The following ADK variants were observed in gnomAD, a reference collection of about 807,000 sequenced individuals.
ADK encodes adenosine kinase, also known as N6,N6-dimethyladenosine kinase.
ADK carries 24 observed loss-of-function variants against 44.7 expected under a neutral mutation model. The observed-to-expected ratio is 0.54, with a 90% CI of 0.39 to 0.76. The LOEUF is 0.76. Ranked by LOEUF, ADK falls within the 30% of genes least tolerant of loss-of-function variation. The pLI, the probability that ADK is intolerant of heterozygous loss-of-function variation, is 0.00. For synonymous variants in ADK, 128 were observed against 142.6 expected (o/e 0.90, Z 0.73); for missense variants, 321 against 425.1 (o/e 0.76, Z 2.15).
At position 74,592,718 on chromosome 10, in the gene ADK, A is replaced by G. The variant is rs899137725; in HGVS notation, c.762+3401A>G. ...TAGACTTGTAGTCTTTCTCTGACCAATGAGGATTCTTTCATCTTACACCAC... is the reference window on the plus strand; with the variant it reads ...TAGACTTGTAGTCTTTCTCTGACCAGTGAGGATTCTTTCATCTTACACCAC... On this transcript the variant is annotated intron_variant, in intron 8 of 10. Coordinates refer to ENST00000539909, the MANE Select transcript of ADK (RefSeq NM_006721.4). Among the ~76,000 whole-genome samples, 11 of 152,258 alleles carry G rather than the reference A, an allele frequency of 7.2e-5. No homozygotes were observed. In the South Asian group the frequency reaches 1.0e-3, roughly 14 times the overall value.
chr10:74,459,887 G>A (rs1042374001), intron 6 of ADK, among the ~76,000 whole-genome samples: 35 of 151,782 alleles, frequency 2.3e-4, no homozygotes, highest in Non-Finnish European at 4.4e-5. Flanking sequence ...GTCTCCCAAT[G>A]AGTTAAAAAA....
At chr10:74,600,597 C>A in intron 9 of ADK, 104 bp downstream of exon 9, 1 of 346,114 alleles carries the variant, frequency 2.9e-6, no homozygotes, top group Non-Finnish European at 5.2e-6. Flanking sequence ...TATACATATA[C>A]AATATATATA....
At chr10:74,426,273 AT>A (rs747456962) in intron 6 of ADK, among the ~76,000 whole-genome samples, 1 of 152,202 alleles carries the variant, frequency 6.6e-6, no homozygotes, top group Non-Finnish European at 1.5e-5. Context: ...TAATTCAGAA[AT>A]TTAGTCTGTA....
chr10:74,185,706 G>T (rs1842728829), intron 1 of ADK, among the ~76,000 whole-genome samples: 1 of 150,962 alleles, frequency 6.6e-6, no homozygotes, highest in African/African-American at 2.4e-5. Flanking sequence ...CGTGGTAGCG[G>T]GCGCCTGTAG....
chr10:74,369,108 T>C (rs1260998887), intron 4 of ADK, among the ~76,000 whole-genome samples: 2 of 152,150 alleles, frequency 1.3e-5, no homozygotes, highest in African/African-American at 2.4e-5. Flanking sequence ...TAATCCCAGC[T>C]CTTTGTGGGA....
intron 6 of ADK, among the ~76,000 whole-genome samples, chr10:74,429,948 C>G (rs1844924885): frequency 6.6e-6 from 1 of 152,156 alleles, no homozygotes; most frequent in South Asian, 2.1e-4. Context: ...GATACTTACT[C>G]TGGGCCACAT....
At position 74,599,741 on chromosome 10, in the gene ADK, G is replaced by A. The variant is rs138848896; in HGVS notation, c.763-638G>A. 2.2e-3 allele frequency among the ~76,000 whole-genome samples: 342 copies of A among 152,270 alleles called. 1 individual carries two copies. The highest frequency in any genetic ancestry group is 7.8e-3 in the African/African-American group (326 of 41,576). On this transcript the variant is annotated intron_variant, in intron 8 of 10. Transcript: ENST00000539909. ...ATGTGGTGTGAAAAACAGCATCAGA[G>A]TTTGACAATTAGTTTGTCATTTTTT...
chr10:74,546,123 G>A (rs906023472), intron 7 of ADK, among the ~76,000 whole-genome samples: 2 of 152,156 alleles, frequency 1.3e-5, no homozygotes, highest in African/African-American at 4.8e-5. Flanking sequence ...TTCTTGTTAT[G>A]TGGAACCTAG....
At chr10:74,172,921 C>T (rs964117359) in intron 1 of ADK, among the ~76,000 whole-genome samples, 2 of 142,266 alleles carry the variant, frequency 1.4e-5, no homozygotes, top group Non-Finnish European at 3.1e-5. Context: ...AAAAAAAAAA[C>T]GGTTAGATGC....
At chr10:74,308,836 A>G (rs922157527) in intron 3 of ADK, among the ~76,000 whole-genome samples, 6 of 152,128 alleles carry the variant, frequency 3.9e-5, no homozygotes, top group Admixed American at 6.6e-5. Context: ...TGCTGAGCGC[A>G]CACACACTCT....
chr10:74,390,827 T>G (rs1277730117), intron 4 of ADK, among the ~76,000 whole-genome samples: 6 of 152,176 alleles, frequency 3.9e-5, no homozygotes, highest in Non-Finnish European at 8.8e-5. Context: ...AATCTCATGA[T>G]TTTAGGCAAT....
chr10:74,355,690 CTGT>C (rs1227763464), intron 4 of ADK, among the ~76,000 whole-genome samples: 1 of 151,956 alleles, frequency 6.6e-6, no homozygotes, highest in Non-Finnish European at 1.5e-5. Flanking sequence ...TTTTATTTTC[CTGT>C]TGTTATTTAT....
At chr10:74,583,411 T>C (rs1365848269) in intron 7 of ADK, among the ~76,000 whole-genome samples, 1 of 152,198 alleles carries the variant, frequency 6.6e-6, no homozygotes, top group African/African-American at 2.4e-5. Context: ...TTCAAATAAA[T>C]TTCATGCAAA....
intron 9 of ADK, among the ~76,000 whole-genome samples, chr10:74,637,702 C>T (rs1853665078): frequency 6.6e-6 from 1 of 152,134 alleles, no homozygotes; most frequent in Non-Finnish European, 1.5e-5. Flanking sequence ...GGAGACAAAA[C>T]CCACTGGGTA....
chr10:74,344,976 A>G (rs1841713070), intron 4 of ADK, among the ~76,000 whole-genome samples: 1 of 152,250 alleles, frequency 6.6e-6, no homozygotes, highest in South Asian at 2.1e-4. Flanking sequence ...CTACACTGCC[A>G]GTCGAGTCTG....
intron 9 of ADK, among the ~76,000 whole-genome samples, chr10:74,626,692 A>G (rs1204473174): frequency 3.3e-5 from 5 of 152,136 alleles, no homozygotes; most frequent in Non-Finnish European, 4.4e-5. Context: ...TCTATGGAAC[A>G]TTTTTCCTTC....
chr10:74,494,665 C>T (rs1453072701), intron 6 of ADK, among the ~76,000 whole-genome samples: 1 of 151,820 alleles, frequency 6.6e-6, no homozygotes, highest in African/African-American at 2.4e-5. Context: ...TTCTTTCTCT[C>T]TCTTTTTTTG....
chr10:74,621,248 A>T (rs996585324), intron 9 of ADK, among the ~76,000 whole-genome samples: 1 of 152,168 alleles, frequency 6.6e-6, no homozygotes, highest in Non-Finnish European at 1.5e-5. Context: ...AGAGGGTGAG[A>T]GCTAGGAGTC....
intron 10 of ADK, among the ~76,000 whole-genome samples, chr10:74,705,526 T>C (rs1429684853): frequency 6.6e-6 from 1 of 152,238 alleles, no homozygotes; most frequent in African/African-American, 2.4e-5. Flanking sequence ...TTTCTAATCA[T>C]GCCTTCCTGC....
Sources: allele counts gnomAD v4.1 joint callset (sites outside exome capture counted in the v4.1 genomes callset), GRCh38; gene constraint gnomAD v4.1.1; transcripts MANE v1.5; gene names NCBI Gene and HGNC (gene_info 2026-07-23, HGNC 2026-07-21).